SDS: variants seen among roughly 807,000 people sequenced by gnomAD.
SDS encodes serine dehydratase, also known as L-serine dehydratase/L-threonine deaminase.
A neutral mutation model predicts 29.3 loss-of-function variants in SDS; 19 were observed. That is an observed-to-expected ratio of 0.65 (90% CI 0.45 to 0.95). SDS has a LOEUF of 0.95. SDS is among the 40% of genes least tolerant of loss of function. SDS has a pLI of 0.00. For synonymous variants in SDS, 176 were observed against 189.0 expected (o/e 0.93, Z 0.56); for missense variants, 375 against 439.9 (o/e 0.85, Z 1.32).
rs79034937 is a variant in SDS, at chr12:113,401,377, T to G, written c.-2-1667A>C. Among the ~76,000 whole-genome samples, 9 of 146,968 alleles carry G rather than the reference T, an allele frequency of 6.1e-5. 1 individual carries two copies. The highest frequency in any genetic ancestry group is 1.0e-4 in the African/African-American group (4 of 38,932). On this transcript the variant is annotated intron_variant, in intron 1 of 7. Coordinates refer to ENST00000257549, the MANE Select transcript of SDS (RefSeq NM_006843.3). ...ACTAATCACAGCTTTTAAATTTTAT[T>G]CATTCATTCATTCATTCATTCATTC...
At chr12:113,396,999 G>C in intron 6 of SDS, 166 bp downstream of exon 6, 1 of 632,342 alleles carries the variant, frequency 1.6e-6, no homozygotes, top group Non-Finnish European at 2.8e-6. Flanking sequence ...ACTTGGGTTT[G>C]AGTCCAAGCT....
chr12:113,393,690 C>T (rs1190286292), intron 7 of SDS, among the ~76,000 whole-genome samples: 1 of 152,184 alleles, frequency 6.6e-6, no homozygotes, highest in Non-Finnish European at 1.5e-5. Flanking sequence ...TTTCTATTTA[C>T]TTTTCCATTA....
chr12:113,397,199 C>A lies in SDS; in HGVS notation c.619G>T (p.Ala207Ser). The part of the protein sequence containing the change: ...GAHSFHAATT[A>S]GKLVSLPKIT... ...TTGGGCAGGGAGACAAGTTTGCCTGCGGTGGTGGCAGCGTGGAAGCTGTGG... is the reference window on the plus strand; with the variant it reads ...TTGGGCAGGGAGACAAGTTTGCCTGAGGTGGTGGCAGCGTGGAAGCTGTGG... The change falls in exon 6 of 8, where the codon GCA (alanine) becomes TCA (serine). Residue 207 changes from alanine (A) to serine (S), a missense_variant. Transcript: ENST00000257549. The A allele has an allele frequency of 6.2e-7, 1 of 1,614,184 alleles. No individual in the cohort carries two copies. Among genetic ancestry groups the A allele is most frequent in the Non-Finnish European group, 8.5e-7 (1 of 1,180,020 alleles).
chr12:113,393,119 C>A lies in SDS; in HGVS notation c.809G>T (p.Cys270Phe). ...ATAGACAGCGGCCAGGGCTGCCCCGCAGGCGGGCTCCACCAGGATCTTCTC... is the reference window on the plus strand; with the variant it reads ...ATAGACAGCGGCCAGGGCTGCCCCGAAGGCGGGCTCCACCAGGATCTTCTC... ...DDEKILVEPA[C>F]GAALAAVYSH... is the part of the protein sequence containing the mutation. Residue 270 changes from cysteine (C) to phenylalanine (F), a missense_variant, in exon 8 of 8, where the codon TGC becomes TTC. Cys to Phe is a radical substitution (Grantham distance 205). Transcript: ENST00000257549. 1.2e-6 allele frequency: 2 copies of A among 1,614,052 alleles called. No homozygotes were observed. The highest frequency in any genetic ancestry group is 1.7e-6 in the Non-Finnish European group (2 of 1,180,018).
intron 6 of SDS, among the ~76,000 whole-genome samples, chr12:113,395,213 ACCACTAGCTCTATTC>A (rs1175717134): frequency 1.8e-4 from 27 of 152,248 alleles, no homozygotes; most frequent in Non-Finnish European, 1.8e-4. Flanking sequence ...TCCTGGGGTG[ACCACTAGCTCTATTC>A]CCAGCTCAGC....
chr12:113,401,175 A>G (rs1167068496), intron 1 of SDS, among the ~76,000 whole-genome samples: 3 of 152,088 alleles, frequency 2.0e-5, no homozygotes, highest in Non-Finnish European at 4.4e-5. Flanking sequence ...TGCAGTTCCA[A>G]GTATCTTGGC....
rs1199824791 is a variant in SDS, at chr12:113,392,966, C to T, written c.962G>A (p.Gly321Asp). 1 of 1,614,130 alleles carries T rather than the reference C, an allele frequency of 6.2e-7. No homozygotes were observed. The highest frequency in any genetic ancestry group is 1.7e-5 in the Admixed American group (1 of 59,986). ...TCACTTGGGCAACCTATTTGTCATG[C>T]CCAGCTGTTCCTTGAGCGCCCGCAG... ...AQLRALKEQL[G>D]MTNRLPK Residue 321 changes from glycine (G) to aspartate (D), a missense_variant, in exon 8 of 8, where the codon GGC becomes GAC. By Grantham distance (94) the Gly-to-Asp change is moderately conservative (BLOSUM62 -1). Transcript: ENST00000257549.
At chr12:113,399,058 T>G in intron 3 of SDS, 54 bp downstream of exon 3, 1 of 1,604,450 alleles carries the variant, frequency 6.2e-7, no homozygotes, top group Non-Finnish European at 8.5e-7. Flanking sequence ...AGAAGCAGAG[T>G]GTCTGATCCC....
chr12:113,392,902 CTT>C lies in SDS; in HGVS notation c.*37_*38del. The C allele has an allele frequency of 1.9e-6, 3 of 1,593,358 alleles. No individual in the cohort carries two copies. Among genetic ancestry groups the C allele is most frequent in the East Asian group, 2.2e-5 (1 of 44,808 alleles). The stretch of plus-strand genomic sequence containing the variant: ...AAAACTCCAGCCCCTCCAGGGGTCT[CTT>C]GGGCTAGGAGAGCACAGATCGGTAA... On this transcript the variant is annotated 3_prime_UTR_variant, in exon 8 of 8. Transcript: ENST00000257549.
chr12:113,397,655 C>T (rs532245665), intron 5 of SDS, among the ~76,000 whole-genome samples: 1 of 152,320 alleles, frequency 6.6e-6, no homozygotes, highest in South Asian at 2.1e-4. Context: ...TACAAACTCC[C>T]CTGCTCCTTC....
chr12:113,392,589 C>G lies in SDS; in HGVS notation c.*352G>C, dbSNP rs1423912167. 1 of 266,404 alleles carries G rather than the reference C, an allele frequency of 3.8e-6. No homozygotes were observed. Among genetic ancestry groups the G allele is most frequent in the Non-Finnish European group, 7.1e-6 (1 of 141,466 alleles). 16.5% of individuals were successfully genotyped at this position (266,404 alleles called of 1,614,324 possible). A position where few individuals can be genotyped will look rare whatever the true frequency, so the allele number is the denominator to read the frequency against. ...TGGCCCTGTTGACCTTCACTGGGAACAAGTTCAGGGGCGAGGTCACAGCTT... is the reference window on the plus strand; with the variant it reads ...TGGCCCTGTTGACCTTCACTGGGAAGAAGTTCAGGGGCGAGGTCACAGCTT... On this transcript the variant is annotated 3_prime_UTR_variant, in exon 8 of 8. Coordinates refer to ENST00000257549, the MANE Select transcript of SDS (RefSeq NM_006843.3).
At chr12:113,399,830 C>T in intron 1 of SDS, 120 bp from the exon 2 acceptor site, 1 of 982,350 alleles carries the variant, frequency 1.0e-6, no homozygotes. Context: ...GAGAGAGCAT[C>T]CTGGAGACCT....
Position 113,392,897 on chromosome 12 carries a change from G to A in SDS, c.*44C>T. The A allele has an allele frequency of 6.4e-7, 1 of 1,568,258 alleles. No individual in the cohort carries two copies. Among genetic ancestry groups the A allele is most frequent in the Non-Finnish European group, 8.8e-7 (1 of 1,141,888 alleles). ...TGGATAAAACTCCAGCCCCTCCAGG[G>A]GTCTCTTGGGCTAGGAGAGCACAGA... On this transcript the variant is annotated 3_prime_UTR_variant, in exon 8 of 8. Transcript: ENST00000257549.
Position 113,392,864 on chromosome 12 carries a change from CGA to C in SDS, c.*75_*76del. 7.3e-7 allele frequency: 1 copy of C among 1,377,830 alleles called. No homozygotes were observed. Among genetic ancestry groups the C allele is most frequent in the Non-Finnish European group, 1.0e-6 (1 of 981,220 alleles). The allele number at this position is 1,377,830 out of a possible 1,614,324, so 85.4% of individuals were successfully genotyped here. A position where few individuals can be genotyped will look rare whatever the true frequency, so the allele number is the denominator to read the frequency against. On this transcript the variant is annotated 3_prime_UTR_variant, in exon 8 of 8. Transcript: ENST00000257549. ...CACAGGTGCTCAGCCAAACATACGA[CGA>C]GGCGCTGGATAAAACTCCAGCCCCT... is the stretch of plus-strand genomic sequence containing the variant.
chr12:113,399,016 A>T, intron 3 of SDS, 96 bp downstream of exon 3: 4 of 1,573,050 alleles, frequency 2.5e-6, no homozygotes, highest in Non-Finnish European at 3.5e-6. Context: ...CATTGTTTTC[A>T]GTGGCACATT....
chr12:113,403,221 G>T (rs533664799), intron 1 of SDS, among the ~76,000 whole-genome samples: 2 of 152,062 alleles, frequency 1.3e-5, no homozygotes, highest in East Asian at 3.9e-4. Context: ...CGACCTCTTG[G>T]GCTCCAGCGA....
chr12:113,396,806 C>A (rs1391764528), intron 6 of SDS: 9 of 279,706 alleles, frequency 3.2e-5, no homozygotes, highest in East Asian at 7.3e-5. Context: ...AAAAAAAAAA[C>A]AAAAAACTTT....
Position 113,397,322 on chromosome 12 carries a change from A to G in SDS, c.496T>C (p.Ser166Pro), listed in dbSNP as rs2136934208. The G allele has an allele frequency of 6.2e-7, 1 of 1,614,052 alleles. No individual in the cohort carries two copies. Among genetic ancestry groups the G allele is most frequent in the East Asian group, 2.2e-5 (1 of 44,886 alleles). Residue 166 changes from serine (S) to proline (P), a missense_variant, in exon 6 of 8, where the codon TCA (serine) becomes CCA (proline). By Grantham distance (74) the Ser-to-Pro change is moderately conservative. Coordinates refer to ENST00000257549, the MANE Select transcript of SDS (RefSeq NM_006843.3). ...CACAGCAGGCCCCCGCCGCCCACTG[A>G]CAGCGCGATGGCCCCCGGCTTTTCC... ...LWEKPGAIAL[S>P]VGGGGLLCGV...
chr12:113,401,881 C>G (rs990406649), intron 1 of SDS, among the ~76,000 whole-genome samples: 1 of 152,192 alleles, frequency 6.6e-6, no homozygotes, highest in Admixed American at 6.5e-5. Flanking sequence ...TGACGATGGC[C>G]AAGGGGCTCT....
Sources: allele counts gnomAD v4.1 joint callset (sites outside exome capture counted in the v4.1 genomes callset), GRCh38; gene constraint gnomAD v4.1.1; transcripts MANE v1.5; gene names NCBI Gene and HGNC (gene_info 2026-07-23, HGNC 2026-07-21).